The following SPATA17 variants were observed in gnomAD, a reference collection of about 807,000 sequenced individuals.
SPATA17 encodes the protein spermatogenesis-associated protein 17.
In SPATA17, 53 loss-of-function variants were observed where a neutral mutation model predicts 62.2. That is an observed-to-expected ratio of 0.85 (90% CI 0.68 to 1.07). The LOEUF (loss-of-function observed/expected upper bound fraction) is 1.07, where lower values mean the gene tolerates loss of function less well. Ranked by LOEUF, SPATA17 falls within the 50% of genes least tolerant of loss-of-function variation. The pLI, the probability that SPATA17 is intolerant of heterozygous loss-of-function variation, is 0.00. For missense variants in SPATA17, 466 were observed against 425.5 expected (o/e 1.10, Z -0.84); for synonymous variants, 146 against 146.8 (o/e 0.99, Z 0.04).
chr1:217,713,623 G>C (rs1006764965), intron 5 of SPATA17, among the ~76,000 whole-genome samples: 18 of 152,106 alleles, frequency 1.2e-4, no homozygotes, highest in African/African-American at 4.3e-4. Flanking sequence ...TGAGGCCTAG[G>C]CTTTTTCTCT....
intron 5 of SPATA17, among the ~76,000 whole-genome samples, chr1:217,727,948 G>A (rs1233583767): frequency 1.3e-5 from 2 of 152,090 alleles, no homozygotes; most frequent in Non-Finnish European, 2.9e-5. Flanking sequence ...CTTTTTGTGA[G>A]CTCTGTTTTG....
In SPATA17 at chr1:217,868,333, ACTC is replaced by A. The variant is rs1278329946; in HGVS notation, c.*1321_*1323del. ...CAAAGAAGTGAGTTAAAATACATATACTCCTCCTCTTATAATCGGTTATGTGCC... is the reference window on the plus strand; with the variant it reads ...CAAAGAAGTGAGTTAAAATACATATACTCCTCTTATAATCGGTTATGTGCC... On this transcript the variant is annotated 3_prime_UTR_variant, in exon 11 of 11. Coordinates refer to ENST00000366933, the MANE Select transcript of SPATA17 (RefSeq NM_138796.4). 3 of 151,954 alleles carry A rather than the reference ACTC, an allele frequency of 2.0e-5. No homozygotes were observed. Among genetic ancestry groups the A allele is most frequent in the Non-Finnish European group, 4.4e-5 (3 of 67,998 alleles). 9.4% of individuals were successfully genotyped at this position (151,954 alleles called of 1,614,324 possible). A position where few individuals can be genotyped will look rare whatever the true frequency, so the allele number is the denominator to read the frequency against.
At chr1:217,749,975 C>CTTTA (rs1285806657) in intron 6 of SPATA17, among the ~76,000 whole-genome samples, 3 of 39,418 alleles carry the variant, frequency 7.6e-5, no homozygotes, top group Admixed American at 6.8e-4. Context: ...CTCTCTCTCT[C>CTTTA]TCTCTCTCTC....
At chr1:217,850,659 T>G in intron 9 of SPATA17, 1 of 1,552,978 alleles carries the variant, frequency 6.4e-7, no homozygotes. Context: ...GATACGAGGA[T>G]GCTGCGAATC....
At chr1:217,704,230 CTTTTTTTTTTTTT>C (rs560591615) in intron 5 of SPATA17, among the ~76,000 whole-genome samples, 30 of 41,722 alleles carry the variant, frequency 7.2e-4, no homozygotes, top group Middle Eastern at 0.045. Context: ...TTCCCTCTAC[CTTTTTTTTTTTTT>C]TTTTTTTTTT....
intron 9 of SPATA17, among the ~76,000 whole-genome samples, chr1:217,829,402 T>C (rs1027423030): frequency 2.0e-5 from 3 of 151,560 alleles, no homozygotes; most frequent in African/African-American, 7.3e-5. Context: ...CCAAGGAGGC[T>C]GGATCATCTG....
chr1:217,755,138 A>T (rs1009616895), intron 6 of SPATA17, among the ~76,000 whole-genome samples: 3 of 152,090 alleles, frequency 2.0e-5, no homozygotes, highest in African/African-American at 4.8e-5. Flanking sequence ...ACAAAAAAAG[A>T]GGAATTCCAA....
chr1:217,815,978 G>A (rs951494762), intron 9 of SPATA17, among the ~76,000 whole-genome samples: 2 of 151,920 alleles, frequency 1.3e-5, no homozygotes, highest in African/African-American at 2.4e-5. Flanking sequence ...ATGTATTATC[G>A]AACTGCTCTG....
At chr1:217,834,429 C>T (rs1675214724) in intron 9 of SPATA17, among the ~76,000 whole-genome samples, 1 of 151,896 alleles carries the variant, frequency 6.6e-6, no homozygotes, top group Non-Finnish European at 1.5e-5. Context: ...GTGTTATTGC[C>T]CCAAGATACC....
intron 6 of SPATA17, among the ~76,000 whole-genome samples, chr1:217,760,669 A>G (rs564087516): frequency 6.6e-6 from 1 of 152,330 alleles, no homozygotes; most frequent in African/African-American, 2.4e-5. Flanking sequence ...CACTAGAAAT[A>G]AAGTTTAACA....
At position 217,723,860 on chromosome 1, in the gene SPATA17, C is replaced by T. The variant is rs183379410; in HGVS notation, c.396-18115C>T. Among the ~76,000 whole-genome samples the T allele has an allele frequency of 2.4e-3, 368 of 152,316 alleles. 2 individuals are homozygous for T. Among genetic ancestry groups the T allele is most frequent in the Middle Eastern group, 0.017 (5 of 294 alleles). On this transcript the variant is annotated intron_variant, in intron 5 of 10. Transcript: ENST00000366933. Reference sequence around the variant, plus strand: ...CAGGAGTTAGATAGATTTTCCCAGGCAATCACCACAGTACTAAGCAGACAC... The same window carrying T: ...CAGGAGTTAGATAGATTTTCCCAGGTAATCACCACAGTACTAAGCAGACAC...
intron 4 of SPATA17, among the ~76,000 whole-genome samples, chr1:217,672,326 A>G (rs1490534018): frequency 1.3e-5 from 2 of 152,248 alleles, no homozygotes; most frequent in Non-Finnish European, 2.9e-5. Flanking sequence ...TTCAAAAGAA[A>G]GAATCTCTAA....
chr1:217,839,490 GT>G (rs1300760337), intron 9 of SPATA17, among the ~76,000 whole-genome samples: 1 of 151,916 alleles, frequency 6.6e-6, no homozygotes, highest in Non-Finnish European at 1.5e-5. Flanking sequence ...TTTTAATGCT[GT>G]TTCTGTAATT....
intron 6 of SPATA17, among the ~76,000 whole-genome samples, chr1:217,755,137 G>A (rs1181585697): frequency 6.6e-6 from 1 of 151,886 alleles, no homozygotes; most frequent in East Asian, 1.9e-4. Context: ...AACAAAAAAA[G>A]AGGAATTCCA....
chr1:217,673,153 A>T (rs1670868478), intron 4 of SPATA17, among the ~76,000 whole-genome samples: 1 of 152,144 alleles, frequency 6.6e-6, no homozygotes, highest in South Asian at 2.1e-4. Flanking sequence ...ATGTAGATAA[A>T]CTGGATTTGG....
At chr1:217,853,668 G>A (rs1039495555) in intron 9 of SPATA17, among the ~76,000 whole-genome samples, 2 of 152,148 alleles carry the variant, frequency 1.3e-5, no homozygotes, top group Non-Finnish European at 1.5e-5. Context: ...AGAGAAAATA[G>A]GATTACGTTT....
intron 8 of SPATA17, 140 bp from the exon 9 acceptor site, chr1:217,801,578 G>T (rs1435801151): frequency 1.7e-6 from 1 of 576,344 alleles, no homozygotes; most frequent in Non-Finnish European, 2.9e-6. Flanking sequence ...CAGTGGCAGA[G>T]GTTGAAATGG....
intron 1 of SPATA17, 53 bp from the exon 2 acceptor site, chr1:217,648,829 C>A: frequency 2.7e-6 from 3 of 1,128,864 alleles, no homozygotes; most frequent in South Asian, 1.6e-5. Context: ...GGTTGACTTG[C>A]TTTAGAATTA....
chr1:217,787,230 T>G (rs1245161582), intron 8 of SPATA17, among the ~76,000 whole-genome samples: 1 of 152,168 alleles, frequency 6.6e-6, no homozygotes, highest in African/African-American at 2.4e-5. Context: ...CAACCTGGTC[T>G]ACCTAGTCTT....
Sources: allele counts gnomAD v4.1 joint callset (sites outside exome capture counted in the v4.1 genomes callset), GRCh38; gene constraint gnomAD v4.1.1; transcripts MANE v1.5; gene names NCBI Gene and HGNC (gene_info 2026-07-23, HGNC 2026-07-21).